The following HS3ST1 variants were observed in gnomAD, a reference collection of about 807,000 sequenced individuals.
HS3ST1 encodes heparan sulfate-glucosamine 3-sulfotransferase 1.
In HS3ST1, 8 loss-of-function variants were observed where a neutral mutation model predicts 20.7. The observed-to-expected ratio is 0.39, with a 90% CI of 0.23 to 0.70. HS3ST1 has a LOEUF of 0.70. HS3ST1 is among the 30% of genes least tolerant of loss of function. The pLI, the probability that HS3ST1 is intolerant of heterozygous loss-of-function variation, is 0.46. For missense variants in HS3ST1, 436 were observed against 423.4 expected, an observed-to-expected ratio of 1.03 and a Z score of -0.26; for synonymous variants, 205 against 190.4, an observed-to-expected ratio of 1.08 and a Z score of -0.63.
intron 1 of HS3ST1, among the ~76,000 whole-genome samples, chr4:11,419,043 G>A (rs929195368): frequency 6.6e-6 from 1 of 152,014 alleles, no homozygotes; most frequent in Admixed American, 6.6e-5. Context: ...CTCAGGGGCT[G>A]CTGAAGACCA....
chr4:11,394,785 A>C lies in HS3ST1; in HGVS notation c.*4297T>G, dbSNP rs929219667. The C allele has an allele frequency of 6.6e-6, 1 of 152,264 alleles. No homozygotes were observed. The allele number at this position is 152,264 out of a possible 1,614,324, so 9.4% of individuals were successfully genotyped here. A position where few individuals can be genotyped will look rare whatever the true frequency, so the allele number is the denominator to read the frequency against. On this transcript the variant is annotated 3_prime_UTR_variant, in exon 2 of 2. Coordinates refer to ENST00000002596, the MANE Select transcript of HS3ST1 (RefSeq NM_005114.4). ...AAGTAATGGCTCTATCAACATGGGC[A>C]AGCCCTTTAATTTCTGAGTTTATTT...
intron 1 of HS3ST1, among the ~76,000 whole-genome samples, chr4:11,419,747 C>T (rs1718878227): frequency 6.6e-6 from 1 of 152,052 alleles, no homozygotes. Flanking sequence ...TTTGAAAAAA[C>T]AAATTAGTCT....
chr4:11,421,232 G>C (rs1236611898), intron 1 of HS3ST1, among the ~76,000 whole-genome samples: 2 of 152,204 alleles, frequency 1.3e-5, no homozygotes, highest in Non-Finnish European at 2.9e-5. Context: ...TACTCAGAGT[G>C]ACACAACTAG....
At chr4:11,413,968 G>A (rs1718702300) in intron 1 of HS3ST1, 1 of 152,152 alleles carries the variant, frequency 6.6e-6, no homozygotes, top group African/African-American at 2.4e-5. Flanking sequence ...TGAGAAAGAA[G>A]GAAAAACAAA....
chr4:11,407,522 GT>G (rs1718499499), intron 1 of HS3ST1, among the ~76,000 whole-genome samples: 1 of 152,182 alleles, frequency 6.6e-6, no homozygotes, highest in Non-Finnish European at 1.5e-5. Flanking sequence ...CCATCTTGGT[GT>G]TATTTGTGAG....
At chr4:11,425,628 C>G (rs74747250) in intron 1 of HS3ST1, among the ~76,000 whole-genome samples, 8 of 152,112 alleles carry the variant, frequency 5.3e-5, no homozygotes, top group African/African-American at 1.9e-4. Flanking sequence ...CATATGCAAA[C>G]TATGATTAAA....
At chr4:11,405,409 C>T (rs981097304) in intron 1 of HS3ST1, among the ~76,000 whole-genome samples, 1 of 152,168 alleles carries the variant, frequency 6.6e-6, no homozygotes, top group South Asian at 2.1e-4. Flanking sequence ...ACAGAATCTT[C>T]CAGATGGAGG....
Position 11,425,239 on chromosome 4 carries a change from A to G in HS3ST1, c.-109+3460T>C, listed in dbSNP as rs530140377. 8.2e-4 allele frequency among the ~76,000 whole-genome samples: 125 copies of G among 152,308 alleles called. No homozygotes were observed. In the South Asian group the frequency reaches 8.3e-3, roughly 10 times the overall value. ...CGTTTGGAACAACACCTAAAATGCA[A>G]TGATGAGGAGCCAGTGCATTATGCT... On this transcript the variant is annotated intron_variant, in intron 1 of 1. Coordinates refer to ENST00000002596, the MANE Select transcript of HS3ST1 (RefSeq NM_005114.4).
At chr4:11,431,232 T>TAAAAAAA (rs77643058), upstream of HS3ST1, among the ~76,000 whole-genome samples, 1 of 137,878 alleles carries the variant, frequency 7.3e-6, no homozygotes, top group African/African-American at 2.7e-5. Flanking sequence ...ACTATGCTCT[T>TAAAAAAA]AAAAAAAAAA....
At chr4:11,421,744 C>G (rs1048328758) in intron 1 of HS3ST1, among the ~76,000 whole-genome samples, 4 of 152,202 alleles carry the variant, frequency 2.6e-5, no homozygotes, top group Non-Finnish European at 5.9e-5. Flanking sequence ...AAATGTATTT[C>G]TTTGCTTATA....
upstream of HS3ST1, among the ~76,000 whole-genome samples, chr4:11,432,518 G>GCATT (rs1719224103): frequency 6.6e-6 from 1 of 152,176 alleles, no homozygotes; most frequent in African/African-American, 2.4e-5. Context: ...GTTTAATTGT[G>GCATT]CATTGCACAT....
At chr4:11,413,322 GC>G (rs1299881303) in intron 1 of HS3ST1, among the ~76,000 whole-genome samples, 1 of 152,052 alleles carries the variant, frequency 6.6e-6, no homozygotes, top group Non-Finnish European at 1.5e-5. Flanking sequence ...CTGGAGGAAG[GC>G]AGTTTGCTCT....
At chr4:11,430,883 C>T (rs989164238), upstream of HS3ST1, among the ~76,000 whole-genome samples, 7 of 152,278 alleles carry the variant, frequency 4.6e-5, no homozygotes, top group East Asian at 3.9e-4. Context: ...GTTCATTGAT[C>T]GATAATCTAT....
intron 1 of HS3ST1, among the ~76,000 whole-genome samples, chr4:11,422,823 C>T (rs1317644122): frequency 6.6e-6 from 1 of 151,654 alleles, no homozygotes; most frequent in African/African-American, 2.4e-5. Context: ...AAAAAAATTT[C>T]CGTGGACGAT....
chr4:11,397,380 C>T lies in HS3ST1; in HGVS notation c.*1702G>A, dbSNP rs1718171781. Reference sequence around the variant, plus strand: ...GAAACGTACCAAGGTGACTCACTTCCCTGATAACACTGCTGAGAAAAATGC... The same window carrying T: ...GAAACGTACCAAGGTGACTCACTTCTCTGATAACACTGCTGAGAAAAATGC... On this transcript the variant is annotated 3_prime_UTR_variant, in exon 2 of 2. Coordinates refer to ENST00000002596, the MANE Select transcript of HS3ST1 (RefSeq NM_005114.4). 1 of 152,472 alleles carries T rather than the reference C, an allele frequency of 6.6e-6. No homozygotes were observed. Among genetic ancestry groups the T allele is most frequent in the Admixed American group, 6.5e-5 (1 of 15,292 alleles). 9.4% of individuals were successfully genotyped at this position (152,472 alleles called of 1,614,324 possible).
In HS3ST1 at chr4:11,399,417, G is replaced by C. The variant is rs780664116; in HGVS notation, c.589C>G (p.His197Asp). 1.3e-5 allele frequency: 21 copies of C among 1,613,894 alleles called. No homozygotes were observed. The Admixed American group carries it at 3.3e-4, about 26-fold the overall frequency. ...DYKALNRSLY[H>D]VHMQNWLRFF... Reference sequence around the variant, plus strand: ...CGCAGCCAGTTCTGCATGTGCACGTGGTAGAGGCTGCGGTTGAGGGCCTTG... The same window carrying C: ...CGCAGCCAGTTCTGCATGTGCACGTCGTAGAGGCTGCGGTTGAGGGCCTTG... Residue 197 changes from histidine to aspartate, a missense_variant, in exon 2 of 2, where the codon CAC becomes GAC. Transcript: ENST00000002596. The surrounding 1 kb of genome is among the most constrained non-coding windows in gnomAD (Gnocchi z 5.1).
Position 11,399,593 on chromosome 4 carries a change from G to T in HS3ST1, c.413C>A (p.Pro138Gln). The T allele has an allele frequency of 6.2e-7, 1 of 1,613,878 alleles. No homozygotes were observed. Among genetic ancestry groups the T allele is most frequent in the Non-Finnish European group, 8.5e-7 (1 of 1,180,030 alleles). Residue 138 changes from proline to glutamine, a missense_variant, in exon 2 of 2, where the codon CCG becomes CAG. Transcript: ENST00000002596. The surrounding 1 kb of genome is among the most constrained non-coding windows in gnomAD (Gnocchi z 5.1). Reference protein sequence around the residue: ...KVPERVYSMNPSIRLLLILRD... With the variant: ...KVPERVYSMNQSIRLLLILRD... ...CAGGATGAGCAGCAGCCGGATGGAC[G>T]GGTTCATGCTGTAGACTCGCTCAGG...
Position 11,427,098 on chromosome 4 carries a change from C to CTT in HS3ST1, c.-109+1599_-109+1600dup, listed in dbSNP as rs967208615. On this transcript the variant is annotated intron_variant, in intron 1 of 1. Coordinates refer to ENST00000002596, the MANE Select transcript of HS3ST1 (RefSeq NM_005114.4). ...GCAGAAGTTGGGTTATTTCTCCCTC[C>CTT]TTTTTTTTTCTTTTTTTTTTAAAGA... 1.7e-3 allele frequency among the ~76,000 whole-genome samples: 255 copies of CTT among 151,620 alleles called. 1 individual carries two copies. Among genetic ancestry groups the CTT allele is most frequent in the African/African-American group, 5.6e-3 (230 of 41,334 alleles).
intron 1 of HS3ST1, among the ~76,000 whole-genome samples, chr4:11,410,661 A>T (rs552204288): frequency 1.3e-5 from 2 of 152,254 alleles, no homozygotes; most frequent in South Asian, 2.1e-4. Context: ...TGGGAGGCCA[A>T]GGCGGGTAGA....
Sources: allele counts gnomAD v4.1 joint callset (sites outside exome capture counted in the v4.1 genomes callset), GRCh38; gene constraint gnomAD v4.1.1; non-coding constraint Gnocchi (gnomAD v3.1); transcripts MANE v1.5; gene names NCBI Gene and HGNC (gene_info 2026-07-23, HGNC 2026-07-21).